Variants in TTN observed in about 807,000 individuals in gnomAD.
The protein encoded by TTN is titin, also known as connectin.
TTN carries 1,525 observed loss-of-function variants against 3,223.0 expected under a neutral mutation model. That is an observed-to-expected ratio of 0.47 (90% CI 0.45 to 0.49). The LOEUF (loss-of-function observed/expected upper bound fraction) is 0.49, where lower values mean the gene tolerates loss of function less well. Ranked by LOEUF, TTN falls within the 20% of genes least tolerant of loss-of-function variation. The pLI, the probability that TTN is intolerant of heterozygous loss-of-function variation, is 0.00. For missense variants in TTN, 40,786 were observed against 43,424.0 expected, an observed-to-expected ratio of 0.94 and a Z score of 5.40; for synonymous variants, 14,094 against 15,161.0, an observed-to-expected ratio of 0.93 and a Z score of 5.17.
chr2:178,772,929 TAGA>T (rs2091739599), intron 33 of TTN, 177 bp downstream of exon 33: 1 of 734,366 alleles, frequency 1.4e-6, no homozygotes, highest in South Asian at 1.9e-5. Flanking sequence ...GAGGTAGGCC[TAGA>T]AGAACATTTG....
In TTN at chr2:178,543,432, G is replaced by A. The variant is rs1695557905; in HGVS notation, c.96541C>T (p.Pro32181Ser). Residue 32181 changes from proline to serine, a missense_variant, in exon 347 of 363, where the codon CCA (proline) becomes TCA (serine). Physicochemically the swap from Pro to Ser is moderately conservative, Grantham distance 74. Transcript: ENST00000589042. ...EGTMYYFRVL[P>S]ENIYGIGEPC... is the part of the protein sequence containing the mutation. ...TCTCCAATGCCATAAATATTTTCTG[G>A]CAGCACTCTGAAATAGTACATGGTT... The A allele has an allele frequency of 6.2e-7, 1 of 1,613,744 alleles. No homozygotes were observed. Among genetic ancestry groups the A allele is most frequent in the Non-Finnish European group, 8.5e-7 (1 of 1,179,760 alleles).
In TTN at chr2:178,713,248, T is replaced by A. The variant is rs2076925397; in HGVS notation, c.26886A>T (p.Glu8962Asp). The A allele has an allele frequency of 6.2e-7, 1 of 1,612,984 alleles. No individual in the cohort carries two copies. Among genetic ancestry groups the A allele is most frequent in the Admixed American group, 1.7e-5 (1 of 59,878 alleles). Residue 8962 changes from glutamate to aspartate, a missense_variant, in exon 93 of 363, where the codon GAA becomes GAT. Physicochemically the swap from Glu to Asp is conservative, Grantham distance 45. Transcript: ENST00000589042. ...SPPISVSWFH[E>D]GNEISSGRKY... ...TCCTTCCACTACTGATCTCATTTCCTTCATGGAACCAGGAGACAGAGATTG... is the reference window on the plus strand; with the variant it reads ...TCCTTCCACTACTGATCTCATTTCCATCATGGAACCAGGAGACAGAGATTG...
Position 178,621,827 on chromosome 2 carries a change from A to T in TTN, c.45082+13T>A. The T allele has an allele frequency of 6.2e-7, 1 of 1,611,592 alleles. No individual in the cohort carries two copies. Among genetic ancestry groups the T allele is most frequent in the Non-Finnish European group, 8.5e-7 (1 of 1,178,832 alleles). On this transcript the variant is annotated intron_variant, in intron 244 of 362. Coordinates refer to ENST00000589042, the MANE Select transcript of TTN (RefSeq NM_001267550.2). ...CAACACATATACTTCACAAAGAATG[A>T]CTTTACTCTTACCCAGAACTGTCAG...
At chr2:178,799,330 C>A in intron 6 of TTN, 157 bp downstream of exon 6, 1 of 1,157,164 alleles carries the variant, frequency 8.6e-7, no homozygotes. Context: ...ACAACCTGCC[C>A]GTTTGTATGC....
Position 178,709,652 on chromosome 2 carries a change from G to C in TTN, c.28667C>G (p.Ala9556Gly), listed in dbSNP as rs1060500482. Residue 9556 changes from alanine (A) to glycine (G), a missense_variant, in exon 99 of 363, where the codon GCA (alanine) becomes GGA (glycine). Transcript: ENST00000589042. ...GTACAAACCAGCGTCGTTCATGCCT[G>C]CTTTCCTGACTTGCAGCACTAACGT... ...NNTLVLQVRK[A>G]GMNDAGLYTC... The C allele has an allele frequency of 6.2e-7, 1 of 1,613,888 alleles. No individual in the cohort carries two copies. Among genetic ancestry groups the C allele is most frequent in the Non-Finnish European group, 8.5e-7 (1 of 1,179,800 alleles).
At position 178,601,318 on chromosome 2, in the gene TTN, C is replaced by T. The variant is rs1334608070; in HGVS notation, c.55679G>A (p.Gly18560Asp). Reference protein sequence around the residue: ...FFRVRAENRFGIGPPVETIQR... With the variant: ...FFRVRAENRFDIGPPVETIQR... ...AATGGTTTCCACAGGTGGGCCAATA[C>T]CAAAACGGTTTTCTGCTCGCACACG... The change falls in exon 287 of 363, where the codon GGT becomes GAT. Residue 18560 changes from glycine to aspartate, a missense_variant. By Grantham distance (94) the Gly-to-Asp change is moderately conservative (BLOSUM62 -1). Coordinates refer to ENST00000589042, the MANE Select transcript of TTN (RefSeq NM_001267550.2). The T allele has an allele frequency of 6.2e-7, 1 of 1,606,640 alleles. No individual in the cohort carries two copies. The highest frequency in any genetic ancestry group is 2.2e-5 in the East Asian group (1 of 44,546).
chr2:178,588,169 A>C lies in TTN; in HGVS notation c.63238T>G (p.Ser21080Ala), dbSNP rs769809225. Residue 21080 changes from serine to alanine, a missense_variant, in exon 305 of 363, where the codon TCC becomes GCC. Ser to Ala is a moderately conservative substitution (Grantham distance 99, BLOSUM62 1). Transcript: ENST00000589042. ...GGTTTTCCCCACCCAAGAGTTATGGAATGTTTGGTTGTATCAACCACTCTG... is the reference window on the plus strand; with the variant it reads ...GGTTTTCCCCACCCAAGAGTTATGGCATGTTTGGTTGTATCAACCACTCTG... ...NFRVVDTTKHSITLGWGKPVY... is the reference protein window; with the variant it reads ...NFRVVDTTKHAITLGWGKPVY... 6.2e-7 allele frequency: 1 copy of C among 1,604,310 alleles called. No homozygotes were observed. The highest frequency in any genetic ancestry group is 1.1e-5 in the South Asian group (1 of 90,302).
chr2:178,718,534 T>C lies in TTN; in HGVS notation c.24572A>G (p.Glu8191Gly). 1 of 1,613,760 alleles carries C rather than the reference T, an allele frequency of 6.2e-7. No individual in the cohort carries two copies. Among genetic ancestry groups the C allele is most frequent in the Non-Finnish European group, 8.5e-7 (1 of 1,179,738 alleles). Reference protein sequence around the residue: ...SVETGSPIVLEATYTGTPPIS... With the variant: ...SVETGSPIVLGATYTGTPPIS... Reference sequence around the variant, plus strand: ...TGGAGGTGTGCCAGTGTATGTGGCCTCGAGAACTATGGGGCTTCCTGTCTC... The same window carrying C: ...TGGAGGTGTGCCAGTGTATGTGGCCCCGAGAACTATGGGGCTTCCTGTCTC... The change falls in exon 85 of 363, where the codon GAG becomes GGG. Residue 8191 changes from glutamate to glycine, a missense_variant. Physicochemically the swap from Glu to Gly is moderately conservative, Grantham distance 98. Transcript: ENST00000589042.
In TTN at chr2:178,718,436, T is replaced by C. The variant is rs1373569910; in HGVS notation, c.24670A>G (p.Lys8224Glu). ...SERCSITMTE[K>E]STILEILEST... ...TCAAGAATTTCCAGTATGGTAGATT[T>C]TTCTGTCATAGTAATACTGCATCTC... The change falls in exon 85 of 363, where the codon AAA (lysine) becomes GAA (glutamate). Residue 8224 changes from lysine to glutamate, a missense_variant. Coordinates refer to ENST00000589042, the MANE Select transcript of TTN (RefSeq NM_001267550.2). 1 of 1,613,782 alleles carries C rather than the reference T, an allele frequency of 6.2e-7. No individual in the cohort carries two copies. Among genetic ancestry groups the C allele is most frequent in the Admixed American group, 1.7e-5 (1 of 60,008 alleles).
rs1256005824 is a variant in TTN at position 178,601,647 on chromosome 2, G to A, written c.55432+11C>T. The A allele has an allele frequency of 3.2e-6, 5 of 1,586,608 alleles. No homozygotes were observed. Among genetic ancestry groups the A allele is most frequent in the Non-Finnish European group, 3.4e-6 (4 of 1,171,018 alleles). On this transcript the variant is annotated intron_variant, in intron 286 of 362. Transcript: ENST00000589042. Reference sequence around the variant, plus strand: ...TTTTTATTCTGTAGCAACTTTCAAAGTCTTTCTTACCCATGACTTTAACTC... The same window carrying A: ...TTTTTATTCTGTAGCAACTTTCAAAATCTTTCTTACCCATGACTTTAACTC...
Position 178,688,695 on chromosome 2 carries a change from C to T in TTN, c.32179G>A (p.Glu10727Lys), listed in dbSNP as rs775602021. Reference protein sequence around the residue: ...KLSFAVPQRVEVTRHEVSAEE... With the variant: ...KLSFAVPQRVKVTRHEVSAEE... ...TATATACCTTCGTGCCGCGTGACTT[C>T]CACTCTTTGAGGAACTGCGAAGGAT... is the stretch of plus-strand genomic sequence containing the variant. The change falls in exon 126 of 363, where the codon GAA becomes AAA. Residue 10727 changes from glutamate to lysine, a missense_variant. Transcript: ENST00000589042. 9 of 1,613,360 alleles carry T rather than the reference C, an allele frequency of 5.6e-6. No homozygotes were observed. In the South Asian group the frequency reaches 8.8e-5, roughly 16 times the overall value.
At chr2:178,749,481 C>T (rs1382067456) in intron 47 of TTN, 1 of 1,612,758 alleles carries the variant, frequency 6.2e-7, no homozygotes, top group East Asian at 2.2e-5. Context: ...TGAAAATAGT[C>T]CCTTACTGAA....
chr2:178,646,533 G>A lies in TTN; in HGVS notation c.40249C>T (p.Pro13417Ser), dbSNP rs1421783094. The A allele has an allele frequency of 5.2e-6, 8 of 1,547,312 alleles. No homozygotes were observed. The highest frequency in any genetic ancestry group is 1.2e-5 in the South Asian group (1 of 83,844). ...EEREIEKYIK[P>S]EEPEPEPQPE... ...TGTGGTTCAGGTTCGGGCTCTTCAG[G>A]TTTAATATACTTTTCAATTTCACGT... Residue 13417 changes from proline (P) to serine (S), a missense_variant, in exon 216 of 363, where the codon CCT becomes TCT. Physicochemically the swap from Pro to Ser is moderately conservative, Grantham distance 74. Coordinates refer to ENST00000589042, the MANE Select transcript of TTN (RefSeq NM_001267550.2).
chr2:178,748,400 T>C (rs370864019), intron 47 of TTN: 4 of 1,613,242 alleles, frequency 2.5e-6, no homozygotes, highest in Non-Finnish European at 3.4e-6. Flanking sequence ...TACATTATTT[T>C]GCACACTTTT....
rs761869776 is a variant in TTN at position 178,669,598 on chromosome 2, C to A, written c.35464G>T (p.Ala11822Ser). The A allele has an allele frequency of 1.9e-6, 3 of 1,612,396 alleles. No individual in the cohort carries two copies. The Admixed American group carries it at 5.0e-5, about 27-fold the overall frequency. Residue 11822 changes from alanine to serine, a missense_variant, in exon 158 of 363, where the codon GCT (alanine) becomes TCT (serine). Ala to Ser is a moderately conservative substitution (Grantham distance 99). Transcript: ENST00000589042. ...GATTAGCATCACTGTATACCTTTAGCTGGTGGAACTTCAGGCTTTTTCAGA... is the reference window on the plus strand; with the variant it reads ...GATTAGCATCACTGTATACCTTTAGATGGTGGAACTTCAGGCTTTTTCAGA... Reference protein sequence around the residue: ...AVLKKPEVPPAKVPGMPKKSV... With the variant: ...AVLKKPEVPPSKVPGMPKKSV...
chr2:178,596,021 C>T (rs1464770927), intron 294 of TTN, among the ~76,000 whole-genome samples: 9 of 132,870 alleles, frequency 6.8e-5, no homozygotes, highest in Admixed American at 2.5e-4. Flanking sequence ...ATGGGAGTCT[C>T]GCTCTGTCAC....
In TTN at chr2:178,773,990, T is replaced by C. The variant is rs754687695; in HGVS notation, c.7178A>G (p.Gln2393Arg). ...AACCCTGTCACTGGGCTGCACTTCTTGGCCGTCTTTCATCCAGACGCCTTC... is the reference window on the plus strand; with the variant it reads ...AACCCTGTCACTGGGCTGCACTTCTCGGCCGTCTTTCATCCAGACGCCTTC... The part of the protein sequence containing the change: ...SVEGVWMKDG[Q>R]EVQPSDRVHI... The change falls in exon 31 of 363, where the codon CAA becomes CGA. Residue 2393 changes from glutamine to arginine, a missense_variant. Gln to Arg is a conservative substitution (Grantham distance 43). Coordinates refer to ENST00000589042, the MANE Select transcript of TTN (RefSeq NM_001267550.2). 1.1e-5 allele frequency: 17 copies of C among 1,614,096 alleles called. No homozygotes were observed. The highest frequency in any genetic ancestry group is 8.5e-6 in the Non-Finnish European group (10 of 1,179,982).
At chr2:178,799,791 G>A (rs1337819696) in intron 5 of TTN, 34 bp downstream of exon 5, 1 of 1,614,182 alleles carries the variant, frequency 6.2e-7, no homozygotes, top group Admixed American at 1.7e-5. Flanking sequence ...GCAACAGCCT[G>A]AAAGGCTTGA....
chr2:178,641,741 G>T (rs941538297), intron 219 of TTN, among the ~76,000 whole-genome samples: 3 of 151,810 alleles, frequency 2.0e-5, no homozygotes, highest in African/African-American at 7.2e-5. Flanking sequence ...GACAATGTTA[G>T]AACTTAATTC....
Sources: gnomAD v4.1 joint callset for allele counts (sites outside exome capture counted in the v4.1 genomes callset) on GRCh38, gnomAD v4.1.1 for gene constraint, MANE v1.5 for transcripts, NCBI Gene and HGNC (gene_info 2026-07-23, HGNC 2026-07-21) for gene names.